Variants in IPCEF1 observed in about 807,000 individuals in gnomAD.
The protein encoded by IPCEF1 is interaction protein for cytohesin exchange factors 1.
In IPCEF1, 31 loss-of-function variants were observed where a neutral mutation model predicts 50.9. The observed-to-expected ratio is 0.61, with a 90% confidence interval of 0.46 to 0.82. IPCEF1 has a LOEUF of 0.82. IPCEF1 is among the 40% of genes least tolerant of loss of function. IPCEF1 has a pLI of 0.00. For synonymous variants in IPCEF1, 181 were observed against 192.0 expected, an observed-to-expected ratio of 0.94 and a Z score of 0.47; for missense variants, 458 against 514.0, an observed-to-expected ratio of 0.89 and a Z score of 1.05.
At chr6:154,329,657 C>T (rs12661996) in intron 1 of IPCEF1, among the ~76,000 whole-genome samples, 91,828 of 150,832 alleles carry the variant, frequency 0.61, 28,750 homozygotes, top group East Asian at 0.9. Context: ...AAGAAAGATC[C>T]AAAAACTAAA....
intron 5 of IPCEF1, among the ~76,000 whole-genome samples, chr6:154,232,054 T>C (rs1779765094): frequency 6.6e-6 from 1 of 152,194 alleles, no homozygotes; most frequent in Admixed American, 6.5e-5. Context: ...GGTAGGTTTT[T>C]TTCCTTTCTT....
chr6:154,250,874 TG>T (rs1459370307), intron 3 of IPCEF1, among the ~76,000 whole-genome samples: 1 of 152,234 alleles, frequency 6.6e-6, no homozygotes, highest in African/African-American at 2.4e-5. Context: ...TCAATTTCTG[TG>T]GTAGAAACCC....
intron 11 of IPCEF1, among the ~76,000 whole-genome samples, chr6:154,160,502 T>C (rs1798923193): frequency 6.6e-6 from 1 of 152,254 alleles, no homozygotes; most frequent in South Asian, 2.1e-4. Flanking sequence ...TATCTTTATT[T>C]TTAATAAATC....
intron 2 of IPCEF1, among the ~76,000 whole-genome samples, chr6:154,275,311 G>A (rs1183244550): frequency 5.9e-5 from 9 of 152,176 alleles, no homozygotes. Context: ...CCCTAATGAG[G>A]ACACAGGAAA....
At chr6:154,250,122 T>C (rs1229961787) in intron 3 of IPCEF1, among the ~76,000 whole-genome samples, 1 of 152,156 alleles carries the variant, frequency 6.6e-6, no homozygotes, top group African/African-American at 2.4e-5. Flanking sequence ...TTGGTTTATA[T>C]GAGACAGTGA....
intron 11 of IPCEF1, among the ~76,000 whole-genome samples, 166 bp downstream of exon 11, chr6:154,167,754 C>T (rs958043154): frequency 6.6e-6 from 1 of 152,176 alleles, no homozygotes; most frequent in Non-Finnish European, 1.5e-5. Flanking sequence ...TGTCCTAGTG[C>T]TTTAAGAACG....
At chr6:154,184,996 T>C (rs973591935) in intron 10 of IPCEF1, among the ~76,000 whole-genome samples, 1 of 152,230 alleles carries the variant, frequency 6.6e-6, no homozygotes, top group Non-Finnish European at 1.5e-5. Context: ...CCTGTCTGCA[T>C]ATAGCCCTTT....
rs1798639893 is a variant in IPCEF1 at position 154,154,656 on chromosome 6, C to G, written c.*5172G>C. Reference sequence around the variant, plus strand: ...TTATTTCTTTGAGAAAGCAACACTGCAGGACAAAAATGAACACCAGTAGTA... The same window carrying G: ...TTATTTCTTTGAGAAAGCAACACTGGAGGACAAAAATGAACACCAGTAGTA... On this transcript the variant is annotated 3_prime_UTR_variant, in exon 12 of 12. Transcript: ENST00000367220. The G allele has an allele frequency of 6.6e-6, 1 of 152,222 alleles. No homozygotes were observed. Among genetic ancestry groups the G allele is most frequent in the South Asian group, 2.1e-4 (1 of 4,828 alleles). The allele number at this position is 152,222 out of a possible 1,614,324, so 9.4% of individuals were successfully genotyped here.
intron 1 of IPCEF1, among the ~76,000 whole-genome samples, chr6:154,298,316 T>G (rs1782712930): frequency 6.6e-6 from 1 of 152,176 alleles, no homozygotes; most frequent in African/African-American, 2.4e-5. Flanking sequence ...TATCTTGTAA[T>G]AAGCTTTCAG....
In IPCEF1 at chr6:154,168,752, C is replaced by T. The variant is rs1391931435; in HGVS notation, c.911-639G>A. Among the ~76,000 whole-genome samples the T allele has an allele frequency of 1.3e-5, 2 of 151,938 alleles. No individual in the cohort carries two copies. On this transcript the variant is annotated intron_variant, in intron 10 of 11. Transcript: ENST00000367220. The surrounding 1 kb of genome is among the most constrained non-coding windows in gnomAD (Gnocchi z 4.1). ...TCCCAAGTAGCTGGGATTACAGGCA[C>T]CTGCCACCATGCCCGGCTCATTTTT... is the stretch of plus-strand genomic sequence containing the variant.
At chr6:154,284,935 G>A (rs934610919) in intron 2 of IPCEF1, among the ~76,000 whole-genome samples, 40 of 152,110 alleles carry the variant, frequency 2.6e-4, no homozygotes, top group Admixed American at 2.6e-3. Context: ...AGGAGGCAGA[G>A]GTTGCAGTGA....
intron 10 of IPCEF1, among the ~76,000 whole-genome samples, chr6:154,192,318 C>CTGTGTGCTTG (rs1554291319): frequency 6.8e-6 from 1 of 148,030 alleles, no homozygotes; most frequent in South Asian, 2.2e-4. Context: ...CACGTGGTTA[C>CTGTGTGCTTG]TGTGTGTGTG....
intron 1 of IPCEF1, among the ~76,000 whole-genome samples, chr6:154,343,749 G>A (rs1783967172): frequency 6.6e-6 from 1 of 152,176 alleles, no homozygotes. Context: ...GAAAGTTTTC[G>A]TCCCTTTTAA....
intron 2 of IPCEF1, among the ~76,000 whole-genome samples, chr6:154,284,237 A>C (rs951177910): frequency 6.6e-6 from 1 of 152,240 alleles, no homozygotes; most frequent in Non-Finnish European, 1.5e-5. Flanking sequence ...AAAGTAAAAA[A>C]TGTGAAGTTA....
chr6:154,331,405 A>G (rs111361776), intron 1 of IPCEF1, among the ~76,000 whole-genome samples: 6,852 of 92,776 alleles, frequency 0.074, 237 homozygotes, highest in Non-Finnish European at 0.086. Context: ...GAAAGAAAGA[A>G]AGAGAGAGAA....
intron 3 of IPCEF1, among the ~76,000 whole-genome samples, chr6:154,249,842 G>A (rs1255210293): frequency 1.3e-5 from 2 of 151,480 alleles, no homozygotes; most frequent in Non-Finnish European, 2.9e-5. Context: ...TCTACACCAC[G>A]TTCTTATGCC....
intron 1 of IPCEF1, among the ~76,000 whole-genome samples, chr6:154,312,539 G>A (rs1015469380): frequency 3.3e-5 from 5 of 151,886 alleles, no homozygotes; most frequent in Non-Finnish European, 7.4e-5. Context: ...GTAGAGACGG[G>A]GTTTCACCAT....
chr6:154,351,803 TA>T lies in IPCEF1; in HGVS notation c.-62+4868del, dbSNP rs1483681672. ...GTTTTAAGAAGTGGCTTAAATAGCA[TA>T]AAAAGGAACAAGATCATGTCCTTTG... is the stretch of plus-strand genomic sequence containing the variant. On this transcript the variant is annotated intron_variant, in intron 1 of 11. Coordinates refer to ENST00000367220, the MANE Select transcript of IPCEF1 (RefSeq NM_001130700.2). Among the ~76,000 whole-genome samples the T allele has an allele frequency of 2.0e-5, 3 of 152,228 alleles. No individual in the cohort carries two copies. In the East Asian group the frequency reaches 5.8e-4, roughly 29 times the overall value.
rs368225643 is a variant in IPCEF1, at chr6:154,219,938, G to A, written c.392+1319C>T. ...GCTGGGGAGGTGAGGATAGGGGACA[G>A]ATGAGAGTCCTTCTAGCTGGACAGA... On this transcript the variant is annotated intron_variant, in intron 7 of 11. Coordinates refer to ENST00000367220, the MANE Select transcript of IPCEF1 (RefSeq NM_001130700.2). Among the ~76,000 whole-genome samples the A allele has an allele frequency of 3.5e-4, 53 of 152,020 alleles. 1 individual carries two copies. The South Asian group carries it at 0.011, about 31-fold the overall frequency.
Sources: gnomAD v4.1 joint callset for allele counts (sites outside exome capture counted in the v4.1 genomes callset) on GRCh38, gnomAD v4.1.1 for gene constraint, Gnocchi (gnomAD v3.1) non-coding constraint, MANE v1.5 for transcripts, NCBI Gene and HGNC (gene_info 2026-07-23, HGNC 2026-07-21) for gene names.